PTPRD: variants seen among roughly 807,000 people sequenced by gnomAD.
PTPRD encodes the protein receptor-type tyrosine-protein phosphatase delta.
PTPRD carries 34 observed loss-of-function variants against 214.5 expected under a neutral mutation model. That is an observed-to-expected ratio of 0.16 (90% CI 0.12 to 0.21). The LOEUF (loss-of-function observed/expected upper bound fraction) is 0.21, where lower values mean the gene tolerates loss of function less well. Ranked by LOEUF, PTPRD falls within the 10% of genes least tolerant of loss-of-function variation. The pLI, the probability that PTPRD is intolerant of heterozygous loss-of-function variation, is 1.00. For synonymous variants in PTPRD, 1,128 were observed against 845.7 expected (o/e 1.33, Z -5.79); for missense variants, 2,545 against 2,398.7 (o/e 1.06, Z -1.27).
intron 3 of PTPRD, among the ~76,000 whole-genome samples, chr9:10,316,158 T>C (rs938914143): frequency 2.9e-5 from 4 of 136,104 alleles, no homozygotes; most frequent in African/African-American, 1.2e-4. Flanking sequence ...TGTATATATG[T>C]ATATCTATGT....
At chr9:8,776,895 T>A (rs1354019181) in intron 11 of PTPRD, among the ~76,000 whole-genome samples, 1 of 145,868 alleles carries the variant, frequency 6.9e-6, no homozygotes, top group Admixed American at 7.0e-5. Flanking sequence ...GAATATTATA[T>A]AATACATATG....
intron 8 of PTPRD, among the ~76,000 whole-genome samples, chr9:9,459,491 T>A (rs551520625): frequency 6.6e-6 from 1 of 152,236 alleles, no homozygotes; most frequent in East Asian, 1.9e-4. Flanking sequence ...ATCTGATAAA[T>A]GATTTCAATA....
chr9:9,179,383 G>C (rs541196442), intron 10 of PTPRD, among the ~76,000 whole-genome samples: 1 of 152,170 alleles, frequency 6.6e-6, no homozygotes, highest in South Asian at 2.1e-4. Context: ...AACAGTTTCT[G>C]GCTATCATTA....
chr9:10,161,500 C>G (rs1165293261), intron 3 of PTPRD, among the ~76,000 whole-genome samples: 1 of 151,646 alleles, frequency 6.6e-6, no homozygotes, highest in Non-Finnish European at 1.5e-5. Context: ...AACATAGGTA[C>G]AGGAATTAAA....
chr9:9,998,288 T>C (rs887125454), intron 4 of PTPRD, among the ~76,000 whole-genome samples: 2 of 150,920 alleles, frequency 1.3e-5, no homozygotes, highest in South Asian at 4.2e-4. Context: ...TCCAGCAGGA[T>C]TGATGGGTCC....
intron 8 of PTPRD, among the ~76,000 whole-genome samples, chr9:9,562,649 C>A (rs186004780): frequency 1.7e-4 from 26 of 151,494 alleles, no homozygotes; most frequent in African/African-American, 6.1e-4. Flanking sequence ...TACAATTAGA[C>A]CCCTCTCCTT....
intron 11 of PTPRD, chr9:8,797,222 A>C (rs2154515369): frequency 6.6e-6 from 1 of 152,324 alleles, no homozygotes; most frequent in African/African-American, 2.4e-5. Context: ...AAATAAAATA[A>C]ATTCAAGCTA....
intron 14 of PTPRD, among the ~76,000 whole-genome samples, chr9:8,591,847 G>A (rs544831596): frequency 7.2e-5 from 11 of 152,088 alleles, no homozygotes; most frequent in African/African-American, 1.7e-4. Context: ...ACCTTCTAAC[G>A]GAATAGCCTT....
At chr9:10,586,432 G>C (rs1196530715) in intron 2 of PTPRD, among the ~76,000 whole-genome samples, 1 of 151,902 alleles carries the variant, frequency 6.6e-6, no homozygotes, top group Admixed American at 6.6e-5. Context: ...GCAATCATGA[G>C]AACGAAAATA....
chr9:10,456,099 A>T (rs1047564500), intron 2 of PTPRD, among the ~76,000 whole-genome samples: 7 of 151,882 alleles, frequency 4.6e-5, no homozygotes, highest in Non-Finnish European at 8.9e-5. Context: ...TGAAATACAC[A>T]GATAGTTTGG....
chr9:9,273,700 A>G (rs1352922902), intron 9 of PTPRD, among the ~76,000 whole-genome samples: 1 of 151,262 alleles, frequency 6.6e-6, no homozygotes, highest in Non-Finnish European at 1.5e-5. Flanking sequence ...CCAGTGGGTT[A>G]ACCTAGCTCT....
At chr9:8,804,434 C>CAA (rs150929563) in intron 11 of PTPRD, among the ~76,000 whole-genome samples, 3 of 149,980 alleles carry the variant, frequency 2.0e-5, no homozygotes, top group East Asian at 4.0e-4. Flanking sequence ...TCCGTCTCTA[C>CAA]AAAAAAAAAT....
At chr9:10,144,065 A>G (rs1411675738) in intron 3 of PTPRD, among the ~76,000 whole-genome samples, 1 of 152,146 alleles carries the variant, frequency 6.6e-6, no homozygotes, top group African/African-American at 2.4e-5. Flanking sequence ...TGAAAAAATG[A>G]ATTAATAAAA....
intron 9 of PTPRD, among the ~76,000 whole-genome samples, chr9:9,256,099 G>A (rs2099977582): frequency 6.6e-6 from 1 of 151,880 alleles, no homozygotes; most frequent in Admixed American, 6.6e-5. Flanking sequence ...TTAACAATAA[G>A]AAAAAAACTA....
intron 4 of PTPRD, among the ~76,000 whole-genome samples, chr9:9,999,291 A>G (rs1036982832): frequency 6.6e-6 from 1 of 152,202 alleles, no homozygotes; most frequent in Non-Finnish European, 1.5e-5. Flanking sequence ...CTGAAAGCCC[A>G]GAGGAAAGTC....
At chr9:10,441,062 T>C (rs1362644753) in intron 2 of PTPRD, among the ~76,000 whole-genome samples, 1 of 151,728 alleles carries the variant, frequency 6.6e-6, no homozygotes, top group Admixed American at 6.6e-5. Flanking sequence ...GCTATAACCT[T>C]ATTTAGGACT....
intron 9 of PTPRD, among the ~76,000 whole-genome samples, chr9:9,275,138 TATATATATA>T (rs1569566735): frequency 9.3e-5 from 5 of 53,888 alleles, no homozygotes; most frequent in South Asian, 4.3e-4. Flanking sequence ...TTATATATAA[TATATATATA>T]ATATATTATA....
chr9:10,197,327 A>G (rs554976433), intron 3 of PTPRD, among the ~76,000 whole-genome samples: 10 of 152,282 alleles, frequency 6.6e-5, no homozygotes, highest in Admixed American at 3.3e-4. Flanking sequence ...ACTGAGTTTA[A>G]AATATGACAG....
intron 11 of PTPRD, among the ~76,000 whole-genome samples, chr9:8,762,869 G>A (rs2094494361): frequency 6.6e-6 from 1 of 152,146 alleles, no homozygotes; most frequent in African/African-American, 2.4e-5. Context: ...GTGAGAAAAA[G>A]CACAGAATGC....
Sources: gnomAD v4.1 joint callset for allele counts (sites outside exome capture counted in the v4.1 genomes callset) on GRCh38, gnomAD v4.1.1 for gene constraint, MANE v1.5 for transcripts, NCBI Gene and HGNC (gene_info 2026-07-23, HGNC 2026-07-21) for gene names.